The following EIF4G3 variants were observed in gnomAD, a reference collection of about 807,000 sequenced individuals.
The protein encoded by EIF4G3 is eukaryotic translation initiation factor 4 gamma 3.
EIF4G3 carries 34 observed loss-of-function variants against 186.4 expected under a neutral mutation model. The ratio of observed to expected loss-of-function variants is 0.18; its 90% CI spans 0.14 to 0.24. The LOEUF is 0.24. Ranked by LOEUF, EIF4G3 falls within the 10% of genes least tolerant of loss-of-function variation. EIF4G3 has a pLI of 1.00. For missense variants in EIF4G3, 1,536 were observed against 1,948.5 expected, an observed-to-expected ratio of 0.79 and a Z score of 3.99; for synonymous variants, 673 against 679.5, an observed-to-expected ratio of 0.99 and a Z score of 0.15.
At chr1:20,929,449 A>T (rs1572996309) in intron 14 of EIF4G3, 1 of 152,316 alleles carries the variant, frequency 6.6e-6, no homozygotes, top group South Asian at 2.1e-4. Context: ...CATGTCCCAG[A>T]TTTTATTAAA....
Position 20,981,075 on chromosome 1 carries a change from G to A in EIF4G3, c.351C>T (p.Pro117=). The A allele has an allele frequency of 3.7e-6, 6 of 1,612,118 alleles. No individual in the cohort carries two copies. The highest frequency in any genetic ancestry group is 5.1e-6 in the Non-Finnish European group (6 of 1,178,906). Reference sequence around the variant, plus strand: ...GTGGTATACAGTACTGAGGCCCCTGGGGCACTGGGTACGGCATGGGCAGAT... The same window carrying A: ...GTGGTATACAGTACTGAGGCCCCTGAGGCACTGGGTACGGCATGGGCAGAT... ...VNHLPMPYPV[P]QGPQYCIPQY... is the part of the protein sequence containing the mutation. Residue 117 remains proline (P), a synonymous_variant, in exon 9 of 37, where the codon CCC becomes CCT. Coordinates refer to ENST00000602326, the MANE Select transcript of EIF4G3 (RefSeq NM_001391906.1).
At chr1:20,819,220 C>T (rs1337417043) in intron 33 of EIF4G3, among the ~76,000 whole-genome samples, 1 of 151,932 alleles carries the variant, frequency 6.6e-6, no homozygotes, top group Non-Finnish European at 1.5e-5. Flanking sequence ...AGATACAGGC[C>T]AAGTATTTTT....
At chr1:21,056,286 T>C (rs1006883948) in intron 3 of EIF4G3, among the ~76,000 whole-genome samples, 60 of 152,296 alleles carry the variant, frequency 3.9e-4, no homozygotes, top group African/African-American at 1.3e-3. Context: ...ATAGAAGAAC[T>C]AGAATTTCTA....
intron 4 of EIF4G3, among the ~76,000 whole-genome samples, chr1:21,004,389 C>T (rs915958279): frequency 6.6e-6 from 1 of 151,944 alleles, no homozygotes; most frequent in African/African-American, 2.4e-5. Flanking sequence ...TTGCTTGTAA[C>T]GTATTTAAAA....
intron 34 of EIF4G3, among the ~76,000 whole-genome samples, chr1:20,816,405 C>G (rs1181861318): frequency 8.9e-6 from 1 of 112,608 alleles, no homozygotes; most frequent in African/African-American, 3.3e-5. Flanking sequence ...CCGCCCCGTC[C>G]GGGAGGTGGG....
intron 3 of EIF4G3, among the ~76,000 whole-genome samples, chr1:21,051,268 A>G (rs1310388159): frequency 2.6e-5 from 4 of 152,232 alleles, no homozygotes; most frequent in Non-Finnish European, 5.9e-5. Flanking sequence ...TACAGGAAAG[A>G]AACAATACTT....
At chr1:21,063,449 G>A (rs971089437) in intron 3 of EIF4G3, among the ~76,000 whole-genome samples, 11 of 152,190 alleles carry the variant, frequency 7.2e-5, no homozygotes, top group African/African-American at 2.6e-4. Context: ...AACACTGTAA[G>A]AGTAAAAAAT....
At chr1:21,094,736 G>A (rs1201851804) in intron 2 of EIF4G3, among the ~76,000 whole-genome samples, 1 of 148,670 alleles carries the variant, frequency 6.7e-6, no homozygotes, top group East Asian at 2.0e-4. Flanking sequence ...AAACCTGCAC[G>A]TTGTGCACAT....
chr1:21,063,826 C>T (rs1253816074), intron 3 of EIF4G3, among the ~76,000 whole-genome samples: 3 of 151,100 alleles, frequency 2.0e-5, no homozygotes, highest in African/African-American at 4.9e-5. Context: ...TCTCCTGCCT[C>T]GGCCTCCCAA....
intron 2 of EIF4G3, among the ~76,000 whole-genome samples, chr1:21,128,073 G>A (rs553758323): frequency 2.6e-5 from 4 of 152,048 alleles, no homozygotes; most frequent in African/African-American, 7.2e-5. Flanking sequence ...CGGGCGTGGT[G>A]GCGGGCGCCT....
intron 28 of EIF4G3, among the ~76,000 whole-genome samples, chr1:20,850,065 C>T (rs1173924379): frequency 6.6e-6 from 1 of 152,190 alleles, no homozygotes; most frequent in Non-Finnish European, 1.5e-5. Context: ...CTACATAGCT[C>T]CTTGGTACCA....
At chr1:20,899,993 T>C in intron 15 of EIF4G3, 50 bp from the exon 16 acceptor site, 1 of 1,550,836 alleles carries the variant, frequency 6.4e-7, no homozygotes, top group South Asian at 1.2e-5. Context: ...CGGGTGTAAA[T>C]ATACATAAAA....
intron 3 of EIF4G3, among the ~76,000 whole-genome samples, chr1:21,068,382 A>C (rs1367138117): frequency 1.4e-5 from 2 of 140,144 alleles, no homozygotes; most frequent in Non-Finnish European, 3.0e-5. Flanking sequence ...CTTTAAAAAA[A>C]AAAAAAAAAA....
At chr1:21,048,797 A>G (rs2094041279) in intron 4 of EIF4G3, among the ~76,000 whole-genome samples, 1 of 152,188 alleles carries the variant, frequency 6.6e-6, no homozygotes, top group African/African-American at 2.4e-5. Flanking sequence ...TGCCCTCTCC[A>G]ACAAGGTCAA....
intron 15 of EIF4G3, among the ~76,000 whole-genome samples, chr1:20,903,481 C>T (rs1394738691): frequency 6.6e-6 from 1 of 152,156 alleles, no homozygotes; most frequent in Non-Finnish European, 1.5e-5. Context: ...AAGCTCTTAA[C>T]AGCCACAGCA....
chr1:20,942,368 G>A (rs767628143), intron 13 of EIF4G3, 38 bp from the exon 14 acceptor site: 5 of 1,525,078 alleles, frequency 3.3e-6, no homozygotes, highest in Non-Finnish European at 4.4e-6. Flanking sequence ...ATAATTCTTG[G>A]ATCAGAGACT....
intron 3 of EIF4G3, among the ~76,000 whole-genome samples, chr1:21,065,396 C>G (rs2095184506): frequency 1.2e-4 from 10 of 84,492 alleles, no homozygotes; most frequent in Non-Finnish European, 2.4e-4. Context: ...GTTGTTTCTA[C>G]CAAAAAAAAA....
intron 12 of EIF4G3, among the ~76,000 whole-genome samples, chr1:20,959,409 A>AT (rs1370394335): frequency 1.3e-5 from 2 of 152,100 alleles, no homozygotes; most frequent in African/African-American, 2.4e-5. Context: ...AGACTTAAAT[A>AT]TAAGACCTGA....
chr1:21,051,258 T>G (rs2094196768), intron 3 of EIF4G3, among the ~76,000 whole-genome samples: 1 of 152,158 alleles, frequency 6.6e-6, no homozygotes, highest in Admixed American at 6.5e-5. Flanking sequence ...AAACACATGC[T>G]ACAGGAAAGA....
Sources: allele counts gnomAD v4.1 joint callset (sites outside exome capture counted in the v4.1 genomes callset), GRCh38; gene constraint gnomAD v4.1.1; transcripts MANE v1.5; gene names NCBI Gene and HGNC (gene_info 2026-07-23, HGNC 2026-07-21).